Variants in MAP7 observed in about 807,000 individuals in gnomAD.
MAP7 encodes the protein ensconsin.
MAP7 carries 52 observed loss-of-function variants against 94.8 expected under a neutral mutation model. The ratio of observed to expected loss-of-function variants is 0.55; its 90% CI spans 0.44 to 0.69. The LOEUF (loss-of-function observed/expected upper bound fraction) is 0.69. MAP7 is among the 30% of genes least tolerant of loss of function. MAP7 has a pLI of 0.00. For missense variants in MAP7, 940 were observed against 964.6 expected (o/e 0.97, Z 0.34); for synonymous variants, 350 against 357.0 (o/e 0.98, Z 0.22).
chr6:136,526,041 G>A (rs376831535), intron 1 of MAP7: 48 of 1,451,410 alleles, frequency 3.3e-5, no homozygotes, highest in Admixed American at 8.3e-5. Context: ...CAGCTCCCAG[G>A]AAGCTGCTAG....
In MAP7 at chr6:136,365,818, G is replaced by C. The variant is rs535580064; in HGVS notation, c.1190C>G (p.Ser397Ter). 1 of 1,614,120 alleles carries C rather than the reference G, an allele frequency of 6.2e-7. No homozygotes were observed. The highest frequency in any genetic ancestry group is 1.1e-5 in the South Asian group (1 of 91,074). ...KEPQKVANEPSLKGRAPLVKV... is the reference protein window; with the variant it reads ...KEPQKVANEP ...CACTAAAGGTGCTCTGCCCTTTAGT[G>C]AGGGCTCATTGGCAACTTTCTGAGG... The change falls in exon 10 of 18, where the codon TCA becomes TGA. Residue 397 changes from serine (S) to a stop codon, truncating the protein, a stop_gained. Transcript: ENST00000354570. LOFTEE classifies it high-confidence loss of function.
In MAP7 at chr6:136,356,679, A is replaced by G. The variant is rs943254525; in HGVS notation, c.2015+13T>C. The G allele has an allele frequency of 2.5e-6, 4 of 1,601,294 alleles. No individual in the cohort carries two copies. The highest frequency in any genetic ancestry group is 3.4e-6 in the Non-Finnish European group (4 of 1,168,494). On this transcript the variant is annotated intron_variant, in intron 16 of 17. Coordinates refer to ENST00000354570, the MANE Select transcript of MAP7 (RefSeq NM_003980.6). ...GTAATGTTTTACTTTAATGAATGTC[A>G]GTGAAAACTCACCTCTCCACTGTCA...
intron 1 of MAP7, among the ~76,000 whole-genome samples, chr6:136,423,595 T>C (rs963971719): frequency 6.6e-6 from 1 of 152,040 alleles, no homozygotes; most frequent in South Asian, 2.1e-4. Context: ...TAGGATGAAC[T>C]TATTGATATG....
intron 4 of MAP7, among the ~76,000 whole-genome samples, 168 bp downstream of exon 4, chr6:136,389,186 G>A (rs910231134): frequency 1.3e-5 from 2 of 152,088 alleles, no homozygotes; most frequent in Non-Finnish European, 2.9e-5. Context: ...CAGCCCATTC[G>A]CTACCTCTCA....
At chr6:136,362,791 G>A in intron 10 of MAP7, 89 bp from the exon 11 acceptor site, 1 of 1,490,530 alleles carries the variant, frequency 6.7e-7, no homozygotes, top group East Asian at 2.3e-5. Flanking sequence ...CCAAGGCCTA[G>A]AATTTACCAT....
intron 1 of MAP7, among the ~76,000 whole-genome samples, chr6:136,452,658 C>T (rs1801526313): frequency 6.6e-6 from 1 of 151,946 alleles, no homozygotes; most frequent in African/African-American, 2.4e-5. Context: ...GTTCAAGTGA[C>T]TGTCGTGCCT....
chr6:136,355,853 C>A (rs913827310), intron 16 of MAP7, among the ~76,000 whole-genome samples: 3 of 152,132 alleles, frequency 2.0e-5, no homozygotes, highest in Non-Finnish European at 4.4e-5. Context: ...GCTATGATTA[C>A]CCTTATTTTT....
intron 1 of MAP7, among the ~76,000 whole-genome samples, chr6:136,426,232 A>G (rs1359382707): frequency 6.6e-6 from 1 of 152,180 alleles, no homozygotes; most frequent in Admixed American, 6.5e-5. Context: ...CCAACCCCCT[A>G]ATGTCAGTCT....
intron 2 of MAP7, among the ~76,000 whole-genome samples, chr6:136,418,280 T>G (rs1424635881): frequency 6.6e-6 from 1 of 152,158 alleles, no homozygotes; most frequent in Non-Finnish European, 1.5e-5. Flanking sequence ...TAGTGGCGGA[T>G]CTCGGCTCAC....
intron 1 of MAP7, among the ~76,000 whole-genome samples, chr6:136,520,031 T>G (rs1363200859): frequency 6.6e-6 from 1 of 151,708 alleles, no homozygotes; most frequent in East Asian, 1.9e-4. Context: ...AGACCCCACC[T>G]CTACAAAATT....
At chr6:136,485,809 G>A (rs1237959755) in intron 1 of MAP7, among the ~76,000 whole-genome samples, 1 of 151,960 alleles carries the variant, frequency 6.6e-6, no homozygotes, top group Non-Finnish European at 1.5e-5. Flanking sequence ...TGATCCGCCC[G>A]CCTCGGCCTC....
In MAP7 at chr6:136,522,379, T is replaced by A. The variant is rs145981981; in HGVS notation, c.67+27963A>T. On this transcript the variant is annotated intron_variant, in intron 1 of 17. Coordinates refer to ENST00000354570, the MANE Select transcript of MAP7 (RefSeq NM_003980.6). ...TATCTAGTCTGCCATCTAAACAAAC[T>A]ATTGTCACCCCACCAGATAACTATG... is the stretch of plus-strand genomic sequence containing the variant. Among the ~76,000 whole-genome samples, 308 of 152,152 alleles carry A rather than the reference T, an allele frequency of 2.0e-3. 2 individuals carry two copies. Among genetic ancestry groups the A allele is most frequent in the African/African-American group, 6.8e-3 (283 of 41,498 alleles).
intron 1 of MAP7, among the ~76,000 whole-genome samples, chr6:136,439,968 T>C (rs918930958): frequency 9.2e-5 from 14 of 152,146 alleles, no homozygotes; most frequent in African/African-American, 2.2e-4. Flanking sequence ...GCTAGTTTAA[T>C]AGTGCTGGGT....
chr6:136,366,249 A>G, intron 9 of MAP7, 78 bp downstream of exon 9: 1 of 1,228,150 alleles, frequency 8.1e-7, no homozygotes, highest in Non-Finnish European at 1.2e-6. Context: ...GCATGAGAAG[A>G]ACAGTTCACT....
intron 1 of MAP7, among the ~76,000 whole-genome samples, chr6:136,495,010 T>C (rs1053543764): frequency 4.6e-5 from 7 of 152,156 alleles, no homozygotes; most frequent in African/African-American, 1.7e-4. Context: ...TAAAACTTCT[T>C]ATACAGCAGA....
intron 1 of MAP7, among the ~76,000 whole-genome samples, chr6:136,529,812 C>T (rs559185935): frequency 6.6e-6 from 1 of 152,290 alleles, no homozygotes; most frequent in South Asian, 2.1e-4. Flanking sequence ...AGGCCCCACC[C>T]GCTTGGTCCA....
intron 6 of MAP7, among the ~76,000 whole-genome samples, chr6:136,378,901 G>A (rs1776973571): frequency 2.0e-5 from 3 of 152,156 alleles, no homozygotes; most frequent in Admixed American, 2.0e-4. Flanking sequence ...TTTTGTTTGT[G>A]TTTTTGTTTA....
intron 1 of MAP7, among the ~76,000 whole-genome samples, chr6:136,496,106 A>T (rs538622427): frequency 3.3e-5 from 5 of 152,126 alleles, no homozygotes; most frequent in Non-Finnish European, 7.3e-5. Flanking sequence ...TTCTTTTGTC[A>T]TATGAATATA....
chr6:136,522,319 C>T (rs752813563), intron 1 of MAP7, among the ~76,000 whole-genome samples: 4 of 151,830 alleles, frequency 2.6e-5, no homozygotes, highest in Non-Finnish European at 5.9e-5. Context: ...ACACTCCTAC[C>T]GATTACATGG....
Sources: allele counts gnomAD v4.1 joint callset (sites outside exome capture counted in the v4.1 genomes callset), GRCh38; gene constraint gnomAD v4.1.1; transcripts MANE v1.5; gene names NCBI Gene and HGNC (gene_info 2026-07-23, HGNC 2026-07-21).